The following PCBP2 variants were observed in gnomAD, a reference collection of about 807,000 sequenced individuals.
The protein encoded by PCBP2 is poly(rC)-binding protein 2.
A neutral mutation model predicts 50.1 loss-of-function variants in PCBP2; 4 were observed. The ratio of observed to expected loss-of-function variants is 0.08; its 90% CI spans 0.04 to 0.18. PCBP2 has a LOEUF of 0.18. Ranked by LOEUF, PCBP2 falls within the 10% of genes least tolerant of loss-of-function variation. The pLI, the probability that PCBP2 is intolerant of heterozygous loss-of-function variation, is 1.00. For synonymous variants in PCBP2, 179 were observed against 168.0 expected, an observed-to-expected ratio of 1.07 and a Z score of -0.51; for missense variants, 161 against 474.3, an observed-to-expected ratio of 0.34 and a Z score of 6.14.
intron 14 of PCBP2, among the ~76,000 whole-genome samples, chr12:53,474,658 A>G (rs1942454217): frequency 6.6e-6 from 1 of 152,084 alleles, no homozygotes; most frequent in South Asian, 2.1e-4. Flanking sequence ...AGCAGTTTTT[A>G]AGTAGCTCTG....
intron 6 of PCBP2, 127 bp downstream of exon 6, chr12:53,459,530 ATG>A (rs1430095543): frequency 1.5e-6 from 1 of 667,722 alleles, no homozygotes; most frequent in Admixed American, 3.1e-5. Flanking sequence ...GAGGATTACA[ATG>A]TGATTGTACT....
In PCBP2 at chr12:53,454,833, T is replaced by C; in HGVS notation, c.33T>C (p.Asn11=). The change falls in exon 2 of 15, where the codon AAT becomes AAC. Residue 11 remains asparagine (N), a synonymous_variant. Coordinates refer to ENST00000546463, the MANE Select transcript of PCBP2 (RefSeq NM_031989.5). ...CCGGTGTGATTGAAGGTGGATTAAATGTCACTCTCACCATCCGGCTACTTA... is the reference window on the plus strand; with the variant it reads ...CCGGTGTGATTGAAGGTGGATTAAACGTCACTCTCACCATCCGGCTACTTA... MDTGVIEGGL[N]VTLTIRLLMH... is the part of the protein sequence containing the mutation. The C allele has an allele frequency of 6.2e-7, 1 of 1,614,146 alleles. No individual in the cohort carries two copies. The highest frequency in any genetic ancestry group is 8.5e-7 in the Non-Finnish European group (1 of 1,179,990).
intron 14 of PCBP2, among the ~76,000 whole-genome samples, chr12:53,478,476 C>T (rs1327389508): frequency 6.6e-6 from 1 of 151,732 alleles, no homozygotes; most frequent in Non-Finnish European, 1.5e-5. Context: ...CCATTGCACT[C>T]CAGCCTGGGT....
chr12:53,467,763 A>G, intron 11 of PCBP2, 42 bp from the exon 12 acceptor site: 1 of 1,527,982 alleles, frequency 6.5e-7, no homozygotes, highest in Non-Finnish European at 9.1e-7. Context: ...CGATAGGGTT[A>G]GGATGAGACC....
rs901319832 is a variant in PCBP2, at chr12:53,455,586, A to G, written c.126+93A>G. On this transcript the variant is annotated intron_variant, in intron 4 of 14. Transcript: ENST00000546463. The stretch of plus-strand genomic sequence containing the variant: ...TTTTTCAGAAATTAGGAAGGTCTCA[A>G]TAAGGGAAATATGTATTTTTTTTCG... 1.5e-5 allele frequency: 19 copies of G among 1,264,338 alleles called. No individual in the cohort carries two copies. In the African/African-American group the frequency reaches 1.6e-4, roughly 11 times the overall value. 78.3% of individuals were successfully genotyped at this position (1,264,338 alleles called of 1,614,324 possible).
At chr12:53,471,603 A>C (rs916599612) in intron 13 of PCBP2, 35 bp from the exon 14 acceptor site, 10 of 1,580,126 alleles carry the variant, frequency 6.3e-6, no homozygotes, top group Non-Finnish European at 8.6e-6. Context: ...ATGCAACTCT[A>C]ATTCGGTGTG....
intron 8 of PCBP2, among the ~76,000 whole-genome samples, chr12:53,462,787 C>T (rs908737607): frequency 7.9e-5 from 12 of 152,152 alleles, no homozygotes; most frequent in Non-Finnish European, 1.6e-4. Context: ...AGGTAACTTA[C>T]TTGTGGGTTG....
chr12:53,457,687 T>C (rs1941133564), intron 5 of PCBP2, among the ~76,000 whole-genome samples: 1 of 152,166 alleles, frequency 6.6e-6, no homozygotes, highest in Middle Eastern at 3.4e-3. Flanking sequence ...AAAGCTAGAG[T>C]ACAAACTGTT....
intron 5 of PCBP2, among the ~76,000 whole-genome samples, chr12:53,458,067 T>C (rs1057352167): frequency 6.7e-6 from 1 of 150,332 alleles, no homozygotes; most frequent in Non-Finnish European, 1.5e-5. Context: ...TAGCTGGGAT[T>C]ATAGGCGCCT....
At chr12:53,462,774 A>G (rs1440475595) in intron 8 of PCBP2, among the ~76,000 whole-genome samples, 3 of 152,136 alleles carry the variant, frequency 2.0e-5, no homozygotes, top group South Asian at 4.1e-4. Context: ...AGGCACTCGG[A>G]AGAGGTAACT....
At chr12:53,459,884 C>T (rs938834370) in intron 6 of PCBP2, 2 of 454,248 alleles carry the variant, frequency 4.4e-6, no homozygotes, top group African/African-American at 2.0e-5. Context: ...TCTCAGCCTC[C>T]CAAGGAGCCG....
chr12:53,466,658 A>G (rs1051592127), intron 10 of PCBP2, among the ~76,000 whole-genome samples: 4 of 152,180 alleles, frequency 2.6e-5, no homozygotes, highest in East Asian at 1.9e-4. Context: ...GTAGACGTGA[A>G]GAAGGATTAT....
chr12:53,460,431 C>T, intron 6 of PCBP2: 1 of 314,318 alleles, frequency 3.2e-6, no homozygotes, highest in Non-Finnish European at 6.5e-6. Context: ...CAGATGTGAG[C>T]CACTGTGCCT....
intron 14 of PCBP2, among the ~76,000 whole-genome samples, chr12:53,478,572 G>C (rs1942817398): frequency 6.6e-6 from 1 of 152,226 alleles, no homozygotes; most frequent in Non-Finnish European, 1.5e-5. Flanking sequence ...GGGAGGCAGA[G>C]GCAGGCAGAT....
chr12:53,467,131 G>C, intron 10 of PCBP2, 90 bp from the exon 11 acceptor site: 1 of 929,484 alleles, frequency 1.1e-6, no homozygotes, highest in South Asian at 1.5e-5. Flanking sequence ...TCAATTTTGG[G>C]AATCAGGACC....
intron 1 of PCBP2, chr12:53,453,099 C>A (rs912475480): frequency 7.2e-5 from 11 of 151,914 alleles, no homozygotes; most frequent in Admixed American, 3.9e-4. Context: ...TTATCTTGAC[C>A]TAGTCAGGAG....
intron 9 of PCBP2, chr12:53,465,060 T>C (rs1016892386): frequency 6.1e-5 from 24 of 394,710 alleles, no homozygotes; most frequent in Non-Finnish European, 8.4e-5. Context: ...TTTTTTTTAA[T>C]TTTTTTTTTG....
intron 12 of PCBP2, 53 bp downstream of exon 12, chr12:53,467,896 C>G: frequency 7.6e-7 from 1 of 1,310,708 alleles, no homozygotes; most frequent in Non-Finnish European, 1.1e-6. Context: ...TATTAATAAA[C>G]TGGTGGGAGT....
intron 14 of PCBP2, chr12:53,474,886 C>T (rs1299957182): frequency 6.9e-6 from 3 of 434,138 alleles, no homozygotes; most frequent in South Asian, 3.2e-5. Context: ...AACGCTAAAC[C>T]CTCCTCCCAG....
Sources: gnomAD v4.1 joint callset for allele counts (sites outside exome capture counted in the v4.1 genomes callset) on GRCh38, gnomAD v4.1.1 for gene constraint, MANE v1.5 for transcripts, NCBI Gene and HGNC (gene_info 2026-07-23, HGNC 2026-07-21) for gene names.